Variants in CELF2 observed in about 807,000 individuals in gnomAD.
CELF2 encodes CUGBP Elav-like family member 2, also known as CUG triplet repeat RNA-binding protein 2.
In CELF2, 8 loss-of-function variants were observed where a neutral mutation model predicts 62.6. The observed-to-expected ratio is 0.13, with a 90% CI of 0.07 to 0.23. The LOEUF (loss-of-function observed/expected upper bound fraction) is 0.23. Among genes scored for constraint, CELF2 ranks in the 10% least tolerant of loss-of-function variants. CELF2 has a pLI of 1.00. For missense variants in CELF2, 333 were observed against 671.0 expected (o/e 0.50, Z 5.56); for synonymous variants, 258 against 250.0 (o/e 1.03, Z -0.30).
chr10:11,195,972 A>G (rs1274981277), intron 2 of CELF2, among the ~76,000 whole-genome samples: 2 of 152,208 alleles, frequency 1.3e-5, no homozygotes, highest in African/African-American at 2.4e-5. Context: ...ATGGCAAAAC[A>G]AAGTATTCAT....
chr10:10,504,268 C>G, the CELF2 span, among the ~76,000 whole-genome samples: 1 of 152,046 alleles, frequency 6.6e-6, no homozygotes, highest in Non-Finnish European at 1.5e-5. Context: ...CTGCATGTGA[C>G]AAATTCTCTT....
the CELF2 span, among the ~76,000 whole-genome samples, chr10:10,624,645 T>G: frequency 6.6e-6 from 1 of 152,190 alleles, no homozygotes; most frequent in Non-Finnish European, 1.5e-5. Flanking sequence ...CTGATGCGAT[T>G]ATATATGTTG....
chr10:10,734,298 G>A, the CELF2 span, among the ~76,000 whole-genome samples: 4 of 152,060 alleles, frequency 2.6e-5, no homozygotes, highest in African/African-American at 7.2e-5. Context: ...GTTAAATTTG[G>A]GAAAACCTTT....
At chr10:10,512,362 C>T in the CELF2 span, among the ~76,000 whole-genome samples, 48,208 of 150,072 alleles carry the variant, frequency 0.32, 8,445 homozygotes, top group Non-Finnish European at 0.41. Flanking sequence ...AACACAAGAC[C>T]TTCCTTCTGA....
the CELF2 span, among the ~76,000 whole-genome samples, chr10:10,646,980 T>A: frequency 2.0e-5 from 3 of 152,204 alleles, no homozygotes; most frequent in Non-Finnish European, 4.4e-5. Flanking sequence ...CTCGTTGGCA[T>A]GAGGGATGAT....
chr10:11,165,386 C>G lies in CELF2; in HGVS notation c.75-100C>G. 3 of 1,527,062 alleles carry G rather than the reference C, an allele frequency of 2.0e-6. No homozygotes were observed. The highest frequency in any genetic ancestry group is 2.6e-6 in the Non-Finnish European group (3 of 1,138,662). The allele number at this position is 1,527,062 out of a possible 1,614,324, so 94.6% of individuals were successfully genotyped here. ...TAGGCACTTTGCCACTGCTCTTCTT[C>G]CTCCTCCTTCCGCCTCCCCGCTCCC... is the stretch of plus-strand genomic sequence containing the variant. On this transcript the variant is annotated intron_variant, in intron 1 of 12. Transcript: ENST00000633077. The surrounding 1 kb of genome is among the most constrained non-coding windows in gnomAD (Gnocchi z 7.4).
At chr10:10,629,932 G>A in the CELF2 span, among the ~76,000 whole-genome samples, 4 of 137,600 alleles carry the variant, frequency 2.9e-5, no homozygotes, top group Non-Finnish European at 6.1e-5. Context: ...CCTATTAGAT[G>A]TCTTGCTCCT....
At chr10:11,033,457 A>T (rs1001709310) in intron 1 of CELF2, among the ~76,000 whole-genome samples, 1 of 152,040 alleles carries the variant, frequency 6.6e-6, no homozygotes, top group African/African-American at 2.4e-5. Flanking sequence ...GGGTTTCTCT[A>T]TGTTGGTCAG....
intron 1 of CELF2, among the ~76,000 whole-genome samples, chr10:11,102,907 G>T (rs2052156655): frequency 6.6e-6 from 1 of 151,742 alleles, no homozygotes; most frequent in Non-Finnish European, 1.5e-5. Context: ...TCTTTTCATC[G>T]TTTATGGACA....
the CELF2 span, among the ~76,000 whole-genome samples, chr10:10,613,809 C>T: frequency 3.2e-4 from 49 of 152,074 alleles, no homozygotes; most frequent in Admixed American, 1.2e-3. Context: ...ATGATTATGG[C>T]GAGATAATCA....
intron 1 of CELF2, among the ~76,000 whole-genome samples, chr10:10,891,602 G>A (rs1466344424): frequency 6.6e-6 from 1 of 152,094 alleles, no homozygotes; most frequent in Non-Finnish European, 1.5e-5. Flanking sequence ...ACATGACTCA[G>A]ACATGAGTTT....
At chr10:10,739,524 C>T in the CELF2 span, among the ~76,000 whole-genome samples, 3 of 152,292 alleles carry the variant, frequency 2.0e-5, no homozygotes, top group South Asian at 6.2e-4. Context: ...TCCAGCTTCC[C>T]ATAATGTTAG....
chr10:10,714,890 AT>A, the CELF2 span, among the ~76,000 whole-genome samples: 4 of 152,086 alleles, frequency 2.6e-5, no homozygotes, highest in African/African-American at 7.3e-5. Context: ...AAAAAAAAAA[AT>A]CTGACTTATT....
At chr10:10,664,904 A>T in the CELF2 span, among the ~76,000 whole-genome samples, 2 of 152,256 alleles carry the variant, frequency 1.3e-5, no homozygotes, top group African/African-American at 4.8e-5. Context: ...TACTGTTCGA[A>T]CTAAAATTAT....
At chr10:11,160,470 G>A (rs2065444226) in intron 1 of CELF2, among the ~76,000 whole-genome samples, 1 of 151,774 alleles carries the variant, frequency 6.6e-6, no homozygotes, top group Admixed American at 6.6e-5. Context: ...ACAAGCAAAG[G>A]ACAAGTATAT....
At chr10:11,030,441 CCT>C (rs2059913683) in intron 1 of CELF2, 1 of 152,188 alleles carries the variant, frequency 6.6e-6, no homozygotes, top group Non-Finnish European at 1.5e-5. Flanking sequence ...TGAGGATGCA[CCT>C]CTGTTCCTCG....
intron 2 of CELF2, among the ~76,000 whole-genome samples, chr10:10,956,270 T>G (rs1313044607): frequency 6.6e-6 from 1 of 152,242 alleles, no homozygotes; most frequent in Non-Finnish European, 1.5e-5. Flanking sequence ...TTATGGTATC[T>G]CTGCTCTATT....
intron 1 of CELF2, among the ~76,000 whole-genome samples, chr10:10,894,081 C>CA (rs1339333054): frequency 4.7e-5 from 7 of 148,620 alleles, no homozygotes; most frequent in Non-Finnish European, 8.9e-5. Flanking sequence ...ATTTTAACAA[C>CA]AAAAAAAGTT....
At chr10:11,181,444 T>C (rs569170403) in intron 2 of CELF2, among the ~76,000 whole-genome samples, 1 of 152,360 alleles carries the variant, frequency 6.6e-6, no homozygotes, top group Non-Finnish European at 1.5e-5. Flanking sequence ...GAATTATTCC[T>C]TCAACATTCC....
Sources: gnomAD v4.1 joint callset for allele counts (sites outside exome capture counted in the v4.1 genomes callset) on GRCh38, gnomAD v4.1.1 for gene constraint, Gnocchi (gnomAD v3.1) non-coding constraint, MANE v1.5 for transcripts, NCBI Gene and HGNC (gene_info 2026-07-23, HGNC 2026-07-21) for gene names.